Variants in KIF3A observed in about 807,000 individuals in gnomAD.
KIF3A encodes the protein kinesin family member 3A.
A neutral mutation model predicts 92.6 loss-of-function variants in KIF3A; 27 were observed. That is an observed-to-expected ratio of 0.29 (90% CI 0.21 to 0.40). The LOEUF is 0.40. KIF3A is among the 10% of genes least tolerant of loss of function. The pLI, the probability that KIF3A is intolerant of heterozygous loss-of-function variation, is 1.00. For synonymous variants in KIF3A, 250 were observed against 275.4 expected, an observed-to-expected ratio of 0.91 and a Z score of 0.92; for missense variants, 581 against 872.6, an observed-to-expected ratio of 0.67 and a Z score of 4.21.
rs772096447 is a variant in KIF3A at position 132,726,084 on chromosome 5, T to C, written c.510+44A>G. 3.1e-5 allele frequency: 43 copies of C among 1,387,714 alleles called. No individual in the cohort carries two copies. In the South Asian group the frequency reaches 4.4e-4, roughly 14 times the overall value. The allele number at this position is 1,387,714 out of a possible 1,614,324, so 86.0% of individuals were successfully genotyped here. ...GGGGACCTTAATTTAGCAAATATTC[T>C]ATTGCTTTGGAAAAAGTACTCCACC... On this transcript the variant is annotated intron_variant, in intron 4 of 18. Coordinates refer to ENST00000403231, the MANE Select transcript of KIF3A (RefSeq NM_001300791.2).
intron 7 of KIF3A, 124 bp from the exon 8 acceptor site, chr5:132,716,055 G>A: frequency 1.2e-6 from 1 of 862,230 alleles, no homozygotes; most frequent in East Asian, 2.6e-5. Context: ...TCGAAAATGA[G>A]AGTGTCAACC....
intron 5 of KIF3A, among the ~76,000 whole-genome samples, chr5:132,719,967 T>C (rs529399474): frequency 2.6e-5 from 4 of 152,288 alleles, no homozygotes; most frequent in Admixed American, 1.3e-4. Flanking sequence ...AGCATTACAG[T>C]GCCTAGTTAA....
intron 18 of KIF3A, chr5:132,697,646 T>TC (rs1165673317): frequency 2.0e-5 from 3 of 152,046 alleles, no homozygotes; most frequent in Admixed American, 6.6e-5. Flanking sequence ...CAAAACCCCA[T>TC]CTCTAGTAAA....
rs771666064 is a variant in KIF3A at position 132,715,877 on chromosome 5, G to A, written c.1009C>T (p.Arg337Trp). ...ATATTCTTAGCACGATTGGCATACC[G>A]TAATGTACTGATAGTTTCATCATAA... is the stretch of plus-strand genomic sequence containing the variant. ...YNYDETISTL[R>W]YANRAKNIKN... The change falls in exon 8 of 19, where the codon CGG (arginine) becomes TGG (tryptophan). Residue 337 changes from arginine (R) to tryptophan (W), a missense_variant. By Grantham distance (101) the Arg-to-Trp change is moderately radical. This residue lies in a region of KIF3A where 167 missense variants were observed against 205.8 expected (regional missense o/e 0.81). Transcript: ENST00000403231. 1.4e-5 allele frequency: 22 copies of A among 1,606,292 alleles called. No homozygotes were observed. The highest frequency in any genetic ancestry group is 2.2e-5 in the East Asian group (1 of 44,770).
chr5:132,734,371 A>C lies in KIF3A; in HGVS notation c.114T>G (p.Ser38Arg). The C allele has an allele frequency of 1.9e-6, 3 of 1,614,146 alleles. No homozygotes were observed. The South Asian group carries it at 3.3e-5, about 18-fold the overall frequency. Residue 38 changes from serine (S) to arginine (R), a missense_variant, in exon 2 of 19, where the codon AGT becomes AGG. This residue lies in a region of KIF3A where 217 missense variants were observed against 299.7 expected (regional missense o/e 0.72). Transcript: ENST00000403231. The part of the protein sequence containing the change: ...EKSMCYKQAV[S>R]VDEMRGTITV... ...TGATAGTTCCCCTCATCTCATCCAC[A>C]CTGACAGCCTGTTTGTAGCACATTG...
chr5:132,711,056 T>C lies in KIF3A; in HGVS notation c.1131A>G (p.Gly377=). The stretch of plus-strand genomic sequence containing the variant: ...TGATATCAGAGCCTGATATTTCTTC[T>C]CCTTGGACAGAAATTTAATACAATG... The part of the protein sequence containing the change: ...IEELKKKLEE[G]EEISGSDISG... The change falls in exon 9 of 19, where the codon GGA becomes GGG. Residue 377 remains glycine (G), a splice_region_variant and synonymous_variant. Coordinates refer to ENST00000403231, the MANE Select transcript of KIF3A (RefSeq NM_001300791.2). 6.2e-7 allele frequency: 1 copy of C among 1,610,136 alleles called. No individual in the cohort carries two copies. Among genetic ancestry groups the C allele is most frequent in the Non-Finnish European group, 8.5e-7 (1 of 1,176,430 alleles).
intron 8 of KIF3A, among the ~76,000 whole-genome samples, chr5:132,714,803 A>C (rs1753561038): frequency 1.3e-5 from 2 of 152,214 alleles, no homozygotes; most frequent in African/African-American, 4.8e-5. Flanking sequence ...ATTTTACCAC[A>C]ACAAAAAAAT....
chr5:132,731,860 G>A (rs1438709091), intron 2 of KIF3A, among the ~76,000 whole-genome samples: 2 of 152,076 alleles, frequency 1.3e-5, no homozygotes, highest in Non-Finnish European at 2.9e-5. Flanking sequence ...ACAGGCACGT[G>A]CCACCATGCC....
intron 5 of KIF3A, among the ~76,000 whole-genome samples, chr5:132,719,795 T>C (rs1426069879): frequency 6.6e-6 from 1 of 152,140 alleles, no homozygotes; most frequent in African/African-American, 2.4e-5. Flanking sequence ...TCACCTCTAA[T>C]TTCTAATTGC....
At chr5:132,704,525 A>G (rs756749828) in intron 11 of KIF3A, among the ~76,000 whole-genome samples, 2 of 151,994 alleles carry the variant, frequency 1.3e-5, no homozygotes, top group Non-Finnish European at 2.9e-5. Context: ...TTTATTAATG[A>G]ATTTCAAAAT....
intron 9 of KIF3A, among the ~76,000 whole-genome samples, chr5:132,710,280 C>G (rs140994183): frequency 2.7e-3 from 412 of 152,236 alleles, no homozygotes; most frequent in African/African-American, 9.2e-3. Context: ...AAAGACTAAT[C>G]TTGTTTGTGG....
At chr5:132,721,560 C>T (rs1292104525) in intron 4 of KIF3A, 5 of 152,154 alleles carry the variant, frequency 3.3e-5, no homozygotes, top group South Asian at 4.2e-4. Flanking sequence ...CAGGGGAAAA[C>T]GTTATAAAGG....
chr5:132,718,440 G>A (rs756328940), intron 5 of KIF3A, among the ~76,000 whole-genome samples: 21 of 152,052 alleles, frequency 1.4e-4, no homozygotes, highest in Non-Finnish European at 2.8e-4. Flanking sequence ...CTCCTGAGTA[G>A]CTGAGATCAC....
chr5:132,711,760 TG>T (rs1287393749), intron 8 of KIF3A, among the ~76,000 whole-genome samples: 4 of 152,308 alleles, frequency 2.6e-5, no homozygotes, highest in African/African-American at 9.6e-5. Context: ...TCATTCAATC[TG>T]TATTTTTAAG....
Position 132,700,715 on chromosome 5 carries a change from A to G in KIF3A, c.1885-15T>C. The G allele has an allele frequency of 6.5e-7, 1 of 1,534,628 alleles. No homozygotes were observed. Among genetic ancestry groups the G allele is most frequent in the Non-Finnish European group, 9.0e-7 (1 of 1,110,336 alleles). On this transcript the variant is annotated splice_polypyrimidine_tract_variant and intron_variant, in intron 15 of 18. Transcript: ENST00000403231. The stretch of plus-strand genomic sequence containing the variant: ...TCAATCATTTCCTTTTAAAAGGGTG[A>G]AAGATAGCCTATTTTTAATATTTAA...
chr5:132,731,302 T>C (rs1754220218), intron 2 of KIF3A, among the ~76,000 whole-genome samples: 1 of 152,092 alleles, frequency 6.6e-6, no homozygotes, highest in African/African-American at 2.4e-5. Flanking sequence ...TAACAATATA[T>C]GAACAGAATA....
At chr5:132,703,692 C>A in intron 11 of KIF3A, 73 bp from the exon 12 acceptor site, 1 of 1,114,266 alleles carries the variant, frequency 9.0e-7, no homozygotes, top group Non-Finnish European at 1.3e-6. Context: ...TTACCTCCTT[C>A]AATATAGAAA....
In KIF3A at chr5:132,697,144, C is replaced by G. The variant is rs1022494344; in HGVS notation, c.2133-462G>C. On this transcript the variant is annotated intron_variant, in intron 18 of 18. Coordinates refer to ENST00000403231, the MANE Select transcript of KIF3A (RefSeq NM_001300791.2). ...TGTATTATATTTATTGCAATTTTGCCTAGCCCATCTAACTATGTGTTTCTA... is the reference window on the plus strand; with the variant it reads ...TGTATTATATTTATTGCAATTTTGCGTAGCCCATCTAACTATGTGTTTCTA... 7.9e-5 allele frequency among the ~76,000 whole-genome samples: 12 copies of G among 152,254 alleles called. 1 individual carries two copies. Among genetic ancestry groups the G allele is most frequent in the African/African-American group, 2.9e-4 (12 of 41,548 alleles).
downstream of KIF3A, among the ~76,000 whole-genome samples, chr5:132,691,183 CTTAAG>C (rs1752655267): frequency 6.6e-6 from 1 of 152,164 alleles, no homozygotes; most frequent in South Asian, 2.1e-4. Context: ...TACACACTTC[CTTAAG>C]TTATGACCTG....
Sources: allele counts gnomAD v4.1 joint callset (sites outside exome capture counted in the v4.1 genomes callset), GRCh38; gene constraint gnomAD v4.1.1; regional missense constraint gnomAD v4.1.1; transcripts MANE v1.5; gene names NCBI Gene and HGNC (gene_info 2026-07-23, HGNC 2026-07-21).